Variants in AGBL4 observed in about 807,000 individuals in gnomAD.
The protein encoded by AGBL4 is cytosolic carboxypeptidase 6.
In AGBL4, 58 loss-of-function variants were observed where a neutral mutation model predicts 66.4. The observed-to-expected ratio is 0.87, with a 90% confidence interval of 0.71 to 1.09. The LOEUF (loss-of-function observed/expected upper bound fraction) is 1.09. Ranked by LOEUF, AGBL4 falls within the 50% of genes least tolerant of loss-of-function variation. The pLI is 0.00. For synonymous variants in AGBL4, 234 were observed against 222.9 expected (o/e 1.05, Z -0.44); for missense variants, 579 against 631.0 (o/e 0.92, Z 0.88).
chr1:49,233,673 C>T (rs1650502061), intron 4 of AGBL4, among the ~76,000 whole-genome samples: 1 of 152,160 alleles, frequency 6.6e-6, no homozygotes, highest in Non-Finnish European at 1.5e-5. Context: ...ATGGTTCAGA[C>T]ATAGTATTTT....
chr1:49,520,231 A>G (rs1481907181), intron 3 of AGBL4, among the ~76,000 whole-genome samples: 1 of 152,002 alleles, frequency 6.6e-6, no homozygotes, highest in Admixed American at 6.6e-5. Flanking sequence ...TTTATTTATC[A>G]TTAGGCACTG....
intron 2 of AGBL4, among the ~76,000 whole-genome samples, chr1:49,751,901 T>C (rs551037030): frequency 6.6e-6 from 1 of 152,290 alleles, no homozygotes; most frequent in Non-Finnish European, 1.5e-5. Flanking sequence ...GTAGCTTGTA[T>C]TTCAGTGGGA....
At chr1:48,683,537 T>C (rs1221472251) in intron 6 of AGBL4, among the ~76,000 whole-genome samples, 1 of 152,006 alleles carries the variant, frequency 6.6e-6, no homozygotes, top group Non-Finnish European at 1.5e-5. Context: ...GGGAGAGTAT[T>C]TGGGATGAGG....
At chr1:49,260,950 C>G (rs1182059821) in intron 3 of AGBL4, among the ~76,000 whole-genome samples, 6 of 149,204 alleles carry the variant, frequency 4.0e-5, no homozygotes, top group African/African-American at 1.5e-4. Flanking sequence ...CATCAAAAAG[C>G]TTATCCACCA....
chr1:48,789,381 T>C (rs562783801), intron 6 of AGBL4, among the ~76,000 whole-genome samples: 5 of 151,832 alleles, frequency 3.3e-5, no homozygotes, highest in Admixed American at 6.6e-5. Flanking sequence ...CTCCGCCTCC[T>C]GGGTTCATGC....
chr1:49,989,170 T>A lies in AGBL4; in HGVS notation c.34+34593A>T, dbSNP rs188989808. On this transcript the variant is annotated intron_variant, in intron 1 of 13. Coordinates refer to ENST00000371839, the MANE Select transcript of AGBL4 (RefSeq NM_032785.4). The stretch of plus-strand genomic sequence containing the variant: ...CAGCTGCCTCAGTTCCCAAGTGGGT[T>A]GAAAGGAATAACAGATGATTACACA... Among the ~76,000 whole-genome samples the A allele has an allele frequency of 2.0e-5, 3 of 152,236 alleles. No individual in the cohort carries two copies. In the East Asian group the frequency reaches 5.8e-4, roughly 29 times the overall value.
chr1:49,500,676 A>G (rs543479592), intron 3 of AGBL4, among the ~76,000 whole-genome samples: 15 of 152,026 alleles, frequency 9.9e-5, no homozygotes, highest in Non-Finnish European at 1.5e-4. Context: ...TTTGTCAAAG[A>G]TCAGTTGACT....
At chr1:49,418,797 G>A (rs1645482044) in intron 3 of AGBL4, among the ~76,000 whole-genome samples, 2 of 152,212 alleles carry the variant, frequency 1.3e-5, no homozygotes, top group African/African-American at 4.8e-5. Flanking sequence ...GCAAGTGCTA[G>A]TTCATTAACG....
At position 48,636,368 on chromosome 1, in the gene AGBL4, C is replaced by CT. The variant is rs1426128929; in HGVS notation, c.840-1765dup. ...ACATTTAAGAAGTGCTTACTAGTAC[C>CT]TTTACATGAATTATCGCATTTCATT... On this transcript the variant is annotated intron_variant, in intron 8 of 13. Coordinates refer to ENST00000371839, the MANE Select transcript of AGBL4 (RefSeq NM_032785.4). 2.6e-5 allele frequency among the ~76,000 whole-genome samples: 4 copies of CT among 152,296 alleles called. No individual in the cohort carries two copies. The East Asian group carries it at 7.7e-4, about 29-fold the overall frequency.
intron 3 of AGBL4, among the ~76,000 whole-genome samples, chr1:49,612,353 T>A (rs548637998): frequency 6.6e-6 from 1 of 152,334 alleles, no homozygotes; most frequent in Admixed American, 6.5e-5. Context: ...GCCAGAAATT[T>A]ATTTTTATTA....
At position 49,936,701 on chromosome 1, in the gene AGBL4, G is replaced by T. The variant is rs191148194; in HGVS notation, c.35-85183C>A. On this transcript the variant is annotated intron_variant, in intron 1 of 13. Coordinates refer to ENST00000371839, the MANE Select transcript of AGBL4 (RefSeq NM_032785.4). ...CAATATTCAACATTCTTAAGGAAAA[G>T]AATTTTCAACCCAGAATTTCATATC... Among the ~76,000 whole-genome samples, 406 of 152,250 alleles carry T rather than the reference G, an allele frequency of 2.7e-3. 3 individuals are homozygous for T. The highest frequency in any genetic ancestry group is 6.8e-3 in the Middle Eastern group (2 of 294).
intron 4 of AGBL4, among the ~76,000 whole-genome samples, chr1:49,143,702 G>A (rs1181142819): frequency 6.6e-6 from 1 of 152,142 alleles, no homozygotes; most frequent in East Asian, 1.9e-4. Flanking sequence ...GTAACTCACA[G>A]ATCTCCTCAG....
At chr1:49,548,225 G>A (rs1220349291) in intron 3 of AGBL4, among the ~76,000 whole-genome samples, 1 of 152,182 alleles carries the variant, frequency 6.6e-6, no homozygotes, top group African/African-American at 2.4e-5. Context: ...GGTTTTCAAA[G>A]TAAACAATCG....
chr1:48,559,726 C>T (rs975532524), intron 11 of AGBL4, among the ~76,000 whole-genome samples: 1 of 151,994 alleles, frequency 6.6e-6, no homozygotes, highest in Non-Finnish European at 1.5e-5. Flanking sequence ...CCAGCCTAAC[C>T]AATTTGATTG....
In AGBL4 at chr1:48,916,372, C is replaced by T. The variant is rs1247508690; in HGVS notation, c.595-49142G>A. On this transcript the variant is annotated intron_variant, in intron 5 of 13. Coordinates refer to ENST00000371839, the MANE Select transcript of AGBL4 (RefSeq NM_032785.4). ...CCACAGAGGAAACATGCTCTACTCA[C>T]TTTGTTATGCTGCAGGCACAGGGAG... 3.9e-5 allele frequency among the ~76,000 whole-genome samples: 6 copies of T among 152,198 alleles called. No individual in the cohort carries two copies. The East Asian group carries it at 9.6e-4, about 24-fold the overall frequency.
chr1:48,982,562 T>C (rs940709452), intron 5 of AGBL4, among the ~76,000 whole-genome samples: 1 of 152,174 alleles, frequency 6.6e-6, no homozygotes, highest in Non-Finnish European at 1.5e-5. Context: ...TAGTATTCCA[T>C]GGTGTATATG....
At chr1:49,034,688 T>A (rs907079430) in intron 5 of AGBL4, among the ~76,000 whole-genome samples, 2 of 152,088 alleles carry the variant, frequency 1.3e-5, no homozygotes, top group Non-Finnish European at 2.9e-5. Context: ...CGAGGTGTGA[T>A]GGTTTTATAA....
At chr1:49,443,226 T>G (rs1445538650) in intron 3 of AGBL4, among the ~76,000 whole-genome samples, 2 of 152,150 alleles carry the variant, frequency 1.3e-5, no homozygotes, top group Non-Finnish European at 2.9e-5. Context: ...GCAAGTTGTC[T>G]CTTCAATCTG....
chr1:49,612,413 C>T (rs544333738), intron 3 of AGBL4, among the ~76,000 whole-genome samples: 10 of 151,810 alleles, frequency 6.6e-5, no homozygotes, highest in South Asian at 2.1e-4. Flanking sequence ...ACACAGTAGG[C>T]GTCAACTTTT....
Sources: gnomAD v4.1 joint callset for allele counts (sites outside exome capture counted in the v4.1 genomes callset) on GRCh38, gnomAD v4.1.1 for gene constraint, MANE v1.5 for transcripts, NCBI Gene and HGNC (gene_info 2026-07-23, HGNC 2026-07-21) for gene names.